GNG10: variants seen among roughly 807,000 people sequenced by gnomAD.
The protein encoded by GNG10 is G protein subunit gamma 10.
In GNG10, 7 loss-of-function variants were observed where a neutral mutation model predicts 6.8. The ratio of observed to expected loss-of-function variants is 1.02; its 90% CI spans 0.58 to 1.92. The LOEUF is 1.92. Ranked by LOEUF, GNG10 falls within the 30% of genes most tolerant of loss-of-function variation. The probability of loss-of-function intolerance (pLI) is 0.00; values close to 1 mark genes in which losing one functional copy is unlikely to be tolerated. For missense variants in GNG10, 57 were observed against 86.1 expected (o/e 0.66, Z 1.34); for synonymous variants, 28 against 34.8 (o/e 0.80, Z 0.69).
chr9:111,669,046 G>A (rs10817208), intron 2 of GNG10, among the ~76,000 whole-genome samples: 65,501 of 151,536 alleles, frequency 0.43, 15,754 homozygotes, highest in African/African-American at 0.66. Flanking sequence ...TTTAGTAGAG[G>A]CAGGGTTTCT....
intron 2 of GNG10, among the ~76,000 whole-genome samples, chr9:111,668,168 T>A (rs1830936499): frequency 1.3e-5 from 2 of 152,168 alleles, no homozygotes; most frequent in Non-Finnish European, 2.9e-5. Context: ...AATGTTTTTT[T>A]AAGAGGACAA....
chr9:111,666,490 TA>T (rs1434303056), intron 1 of GNG10, among the ~76,000 whole-genome samples: 3 of 152,186 alleles, frequency 2.0e-5, no homozygotes, highest in Admixed American at 6.5e-5. Context: ...TTTATATAAG[TA>T]AAAATTTGTA....
chr9:111,661,771 G>C lies in GNG10; in HGVS notation c.81+56G>C, dbSNP rs1830822561. 1 of 1,083,518 alleles carries C rather than the reference G, an allele frequency of 9.2e-7. No individual in the cohort carries two copies. Among genetic ancestry groups the C allele is most frequent in the South Asian group, 2.8e-5 (1 of 35,484 alleles). The allele number at this position is 1,083,518 out of a possible 1,614,324, so 67.1% of individuals were successfully genotyped here. A position where few individuals can be genotyped will look rare whatever the true frequency, so the allele number is the denominator to read the frequency against. Reference sequence around the variant, plus strand: ...CTTCCGCCCGCGGGGCGTGAGAAGAGGAGGCCGGCGGCCCGGACCGGGCGC... The same window carrying C: ...CTTCCGCCCGCGGGGCGTGAGAAGACGAGGCCGGCGGCCCGGACCGGGCGC... On this transcript the variant is annotated intron_variant, in intron 1 of 2. Coordinates refer to ENST00000374293, the MANE Select transcript of GNG10 (RefSeq NM_001017998.4). This position sits in a 1 kb window ranked among gnomAD's most constrained non-coding sequence, Gnocchi z 6.1.
chr9:111,664,171 T>G (rs1241049363), intron 1 of GNG10, among the ~76,000 whole-genome samples: 1 of 152,138 alleles, frequency 6.6e-6, no homozygotes, highest in Non-Finnish European at 1.5e-5. Context: ...AAAATGATGA[T>G]GAAACTGAGA....
chr9:111,662,857 G>GT (rs1158326553), intron 1 of GNG10, among the ~76,000 whole-genome samples: 7 of 152,280 alleles, frequency 4.6e-5, no homozygotes, highest in East Asian at 1.9e-4. Context: ...GTAGGCAGAC[G>GT]TTTTTTCTTT....
rs568835533 is a variant in GNG10, at chr9:111,663,991, C to CTT, written c.81+2290_81+2291dup. Reference sequence around the variant, plus strand: ...ACCTGCCACCACGTCCACTAATTGGCTTTTTTTTTTTTTTTGTATTTTTAG... The same window carrying CTT: ...ACCTGCCACCACGTCCACTAATTGGCTTTTTTTTTTTTTTTTTGTATTTTTAG... On this transcript the variant is annotated intron_variant, in intron 1 of 2. Transcript: ENST00000374293. 2.8e-4 allele frequency among the ~76,000 whole-genome samples: 38 copies of CTT among 135,946 alleles called. 1 individual carries two copies. The highest frequency in any genetic ancestry group is 7.6e-4 in the African/African-American group (28 of 37,000). The allele number at this position is 135,946 out of a possible 152,430, so 89.2% of individuals were successfully genotyped here.
chr9:111,666,543 T>C (rs1167341673), intron 1 of GNG10, among the ~76,000 whole-genome samples: 1 of 152,242 alleles, frequency 6.6e-6, no homozygotes, highest in East Asian at 1.9e-4. Context: ...CCGTTCAGTC[T>C]CAAAACTAGA....
Position 111,669,843 on chromosome 9 carries a change from C to T in GNG10, c.*581C>T, listed in dbSNP as rs1266220037. The T allele has an allele frequency of 7.8e-6, 1 of 127,742 alleles. No homozygotes were observed. Among genetic ancestry groups the T allele is most frequent in the Non-Finnish European group, 1.6e-5 (1 of 62,490 alleles). The allele number at this position is 127,742 out of a possible 1,614,324, so 7.9% of individuals were successfully genotyped here. On this transcript the variant is annotated 3_prime_UTR_variant, in exon 3 of 3. Coordinates refer to ENST00000374293, the MANE Select transcript of GNG10 (RefSeq NM_001017998.4). ...AATGGGAAGATTGCTTTATTTTTAACACTAATTATGGGAGCAGATTCTTAG... is the reference window on the plus strand; with the variant it reads ...AATGGGAAGATTGCTTTATTTTTAATACTAATTATGGGAGCAGATTCTTAG...
intron 2 of GNG10, among the ~76,000 whole-genome samples, chr9:111,668,192 TAG>T (rs1830936925): frequency 6.6e-6 from 1 of 152,068 alleles, no homozygotes; most frequent in African/African-American, 2.4e-5. Flanking sequence ...CATGAATTAT[TAG>T]AGTCTTTTGG....
At chr9:111,663,734 A>G (rs1045421678) in intron 1 of GNG10, among the ~76,000 whole-genome samples, 1 of 152,146 alleles carries the variant, frequency 6.6e-6, no homozygotes, top group African/African-American at 2.4e-5. Context: ...CACAAAGACA[A>G]TGTGGGGACA....
At chr9:111,668,932 C>T (rs1422105957) in intron 2 of GNG10, among the ~76,000 whole-genome samples, 2 of 152,038 alleles carry the variant, frequency 1.3e-5, no homozygotes, top group Non-Finnish European at 2.9e-5. Context: ...TCTCAGCTCA[C>T]CACAACCTCT....
rs1401710063 is a variant in GNG10, at chr9:111,661,883, G to C, written c.81+168G>C. ...GGTGAGGGAGGGCGCGGGGCAAGCCGGGGGCCCGGGCCTGACGGGAGGAAG... is the reference window on the plus strand; with the variant it reads ...GGTGAGGGAGGGCGCGGGGCAAGCCCGGGGCCCGGGCCTGACGGGAGGAAG... On this transcript the variant is annotated intron_variant, in intron 1 of 2. Coordinates refer to ENST00000374293, the MANE Select transcript of GNG10 (RefSeq NM_001017998.4). This position sits in a 1 kb window ranked among gnomAD's most constrained non-coding sequence, Gnocchi z 6.1. Among the ~76,000 whole-genome samples the C allele has an allele frequency of 1.3e-5, 2 of 151,320 alleles. No individual in the cohort carries two copies. Among genetic ancestry groups the C allele is most frequent in the African/African-American group, 4.8e-5 (2 of 41,328 alleles).
intron 1 of GNG10, among the ~76,000 whole-genome samples, chr9:111,663,962 G>T (rs1044740168): frequency 6.6e-6 from 1 of 151,344 alleles, no homozygotes; most frequent in Non-Finnish European, 1.5e-5. Flanking sequence ...CTGGGATTAC[G>T]GGCACCTGCC....
intron 1 of GNG10, among the ~76,000 whole-genome samples, chr9:111,666,038 G>C (rs1389660550): frequency 6.6e-6 from 1 of 151,788 alleles, no homozygotes; most frequent in Admixed American, 6.6e-5. Flanking sequence ...CCCAGCCACA[G>C]TCAGCCCAGA....
intron 2 of GNG10, among the ~76,000 whole-genome samples, chr9:111,668,428 T>TCCCTCCCCCC (rs1564092640): frequency 8.4e-6 from 1 of 119,452 alleles, no homozygotes; most frequent in Non-Finnish European, 1.9e-5. Flanking sequence ...GCTTCCTTCT[T>TCCCTCCCCCC]CCCTCCCCTC....
chr9:111,664,244 G>A (rs1417011331), intron 1 of GNG10, among the ~76,000 whole-genome samples: 1 of 152,144 alleles, frequency 6.6e-6, no homozygotes, highest in Non-Finnish European at 1.5e-5. Context: ...AGGATAATAA[G>A]CCTATTTAAG....
Position 111,667,508 on chromosome 9 carries a change from G to A in GNG10, c.*6+562G>A, listed in dbSNP as rs555050448. The stretch of plus-strand genomic sequence containing the variant: ...GCCTCCTAAAGTGCTGGGATTACAG[G>A]TGTGAGCCACCACACCTGGCCAGTA... On this transcript the variant is annotated intron_variant, in intron 2 of 2. Coordinates refer to ENST00000374293, the MANE Select transcript of GNG10 (RefSeq NM_001017998.4). 2.1e-4 allele frequency among the ~76,000 whole-genome samples: 32 copies of A among 152,210 alleles called. No individual in the cohort carries two copies. In the Middle Eastern group the frequency reaches 0.01, roughly 49 times the overall value.
In GNG10 at chr9:111,669,382, T is replaced by G. The variant is rs1019433369; in HGVS notation, c.*120T>G. 6.6e-6 allele frequency: 1 copy of G among 152,146 alleles called. No homozygotes were observed. Among genetic ancestry groups the G allele is most frequent in the Admixed American group, 6.6e-5 (1 of 15,264 alleles). 9.4% of individuals were successfully genotyped at this position (152,146 alleles called of 1,614,324 possible). A position where few individuals can be genotyped will look rare whatever the true frequency, so the allele number is the denominator to read the frequency against. The stretch of plus-strand genomic sequence containing the variant: ...TTAGAGATATTTCAGCCCTTTCCTG[T>G]GGCCTGGTCCTATAGCCAAAATCAC... On this transcript the variant is annotated 3_prime_UTR_variant, in exon 3 of 3. Coordinates refer to ENST00000374293, the MANE Select transcript of GNG10 (RefSeq NM_001017998.4).
In GNG10 at chr9:111,664,055, G is replaced by A. The variant is rs959414309; in HGVS notation, c.81+2340G>A. ...TCACCATATTGGCCAGGCTGGTATCGATCTCCTGACCTCAGGTGATCCTCC... is the reference window on the plus strand; with the variant it reads ...TCACCATATTGGCCAGGCTGGTATCAATCTCCTGACCTCAGGTGATCCTCC... On this transcript the variant is annotated intron_variant, in intron 1 of 2. Coordinates refer to ENST00000374293, the MANE Select transcript of GNG10 (RefSeq NM_001017998.4). 4.0e-5 allele frequency among the ~76,000 whole-genome samples: 6 copies of A among 149,148 alleles called. No homozygotes were observed. The East Asian group carries it at 9.8e-4, about 24-fold the overall frequency.
Sources: gnomAD v4.1 joint callset for allele counts (sites outside exome capture counted in the v4.1 genomes callset) on GRCh38, gnomAD v4.1.1 for gene constraint, Gnocchi (gnomAD v3.1) non-coding constraint, MANE v1.5 for transcripts, NCBI Gene and HGNC (gene_info 2026-07-23, HGNC 2026-07-21) for gene names.